The following MGA variants were observed in gnomAD, a reference collection of about 807,000 sequenced individuals.
The protein encoded by MGA is MAX gene-associated protein.
A neutral mutation model predicts 261.1 loss-of-function variants in MGA; 40 were observed. The observed-to-expected ratio is 0.15, with a 90% confidence interval of 0.12 to 0.20. MGA has a LOEUF of 0.20. MGA is among the 10% of genes least tolerant of loss of function. The pLI is 1.00. For missense variants in MGA, 3,397 were observed against 3,630.5 expected (o/e 0.94, Z 1.65); for synonymous variants, 1,302 against 1,290.6 (o/e 1.01, Z -0.19).
intron 5 of MGA, among the ~76,000 whole-genome samples, chr15:41,699,757 C>T (rs2059739502): frequency 6.6e-6 from 1 of 152,140 alleles, no homozygotes; most frequent in Non-Finnish European, 1.5e-5. Context: ...GCCTCGGCCT[C>T]CCAATTATGT....
Position 41,763,667 on chromosome 15 carries a change from C to T in MGA, c.7745-1219C>T, listed in dbSNP as rs546839802. On this transcript the variant is annotated intron_variant, in intron 22 of 23. Transcript: ENST00000219905. The stretch of plus-strand genomic sequence containing the variant: ...CTGAGGCAGGAGAATCACTTTAACC[C>T]GGAAGGTGGAAGTTGTGGTGAGCTG... 6.6e-5 allele frequency among the ~76,000 whole-genome samples: 10 copies of T among 151,956 alleles called. No individual in the cohort carries two copies. The South Asian group carries it at 8.3e-4, about 13-fold the overall frequency.
chr15:41,718,548 C>T (rs1301248787), intron 9 of MGA: 2 of 457,850 alleles, frequency 4.4e-6, no homozygotes, highest in East Asian at 3.2e-5. Flanking sequence ...AGAGATCTCA[C>T]CTTCCTGGTG....
chr15:41,626,910 C>G (rs2056469097), intron 1 of MGA, among the ~76,000 whole-genome samples: 1 of 152,012 alleles, frequency 6.6e-6, no homozygotes, highest in East Asian at 1.9e-4. Flanking sequence ...GTCACCCAGG[C>G]TGGAGCGCAA....
At chr15:41,635,498 C>T (rs1341608862) in intron 1 of MGA, among the ~76,000 whole-genome samples, 1 of 151,614 alleles carries the variant, frequency 6.6e-6, no homozygotes, top group Non-Finnish European at 1.5e-5. Context: ...TGAGACCAGC[C>T]CAGGCAACAT....
In MGA at chr15:41,766,391, C is replaced by A; in HGVS notation, c.8309C>A (p.Ser2770Ter). Residue 2770 changes from serine (S) to a stop codon, truncating the protein, a stop_gained, in exon 24 of 24, where the codon TCA becomes TAA. Coordinates refer to ENST00000219905, the MANE Select transcript of MGA (RefSeq NM_001164273.2). LOFTEE classifies it high-confidence loss of function. ...GAATCAAGAGGGGAGAGAGTGAAGT[C>A]AAAGGATTCTTCATTTCATAAATTA... The A allele has an allele frequency of 6.2e-7, 1 of 1,613,706 alleles. No individual in the cohort carries two copies. The highest frequency in any genetic ancestry group is 1.1e-5 in the South Asian group (1 of 91,022).
intron 1 of MGA, among the ~76,000 whole-genome samples, chr15:41,654,146 T>G (rs2057120909): frequency 1.3e-5 from 2 of 152,208 alleles, no homozygotes; most frequent in Admixed American, 1.3e-4. Context: ...TTATACTCCA[T>G]CACAGTCCTG....
intron 1 of MGA, among the ~76,000 whole-genome samples, chr15:41,663,413 A>G (rs2057532419): frequency 2.0e-5 from 3 of 152,086 alleles, no homozygotes; most frequent in African/African-American, 7.2e-5. Flanking sequence ...TTCCCAGAGT[A>G]TTTTTAGGAT....
Position 41,762,461 on chromosome 15 carries a change from GTTTTTTTTTTTTTTT to G in MGA, c.7744+115_7744+129del, listed in dbSNP as rs34069193. On this transcript the variant is annotated intron_variant, in intron 22 of 23. Coordinates refer to ENST00000219905, the MANE Select transcript of MGA (RefSeq NM_001164273.2). ...TTGTCCACATTTTTAGTTTTGTGTG[GTTTTTTTTTTTTTTT>G]TTTTTTTTTTTTTTTGGAGACAGCT... 259 of 138,432 alleles carry G rather than the reference GTTTTTTTTTTTTTTT, an allele frequency of 1.9e-3. 1 individual carries two copies. The highest frequency in any genetic ancestry group is 5.8e-3 in the East Asian group (16 of 2,752). The allele number at this position is 138,432 out of a possible 1,614,324, so 8.6% of individuals were successfully genotyped here. A position where few individuals can be genotyped will look rare whatever the true frequency, so the allele number is the denominator to read the frequency against.
chr15:41,755,070 T>A (rs552228928), intron 18 of MGA, among the ~76,000 whole-genome samples: 15 of 152,296 alleles, frequency 9.8e-5, no homozygotes, highest in African/African-American at 3.6e-4. Flanking sequence ...GTAGGAAAAT[T>A]TTTCTTCCTG....
chr15:41,756,372 C>T (rs2063149368), intron 18 of MGA, among the ~76,000 whole-genome samples: 1 of 152,154 alleles, frequency 6.6e-6, no homozygotes, highest in Non-Finnish European at 1.5e-5. Context: ...GTGACTTTAC[C>T]AATTCACACC....
intron 1 of MGA, among the ~76,000 whole-genome samples, chr15:41,639,643 C>G (rs981489507): frequency 6.6e-6 from 1 of 152,006 alleles, no homozygotes; most frequent in African/African-American, 2.4e-5. Flanking sequence ...CTCCTAGGTT[C>G]ACACCATTCC....
intron 1 of MGA, among the ~76,000 whole-genome samples, chr15:41,623,509 C>T (rs1463227740): frequency 1.3e-5 from 2 of 151,976 alleles, no homozygotes; most frequent in South Asian, 4.1e-4. Context: ...CTTTGGGAGG[C>T]GGAGGCGGGT....
chr15:41,740,607 C>T (rs909040203), intron 14 of MGA, among the ~76,000 whole-genome samples: 4 of 152,032 alleles, frequency 2.6e-5, no homozygotes, highest in Non-Finnish European at 5.9e-5. Flanking sequence ...AAATATTTTA[C>T]TAAATTAAAA....
chr15:41,701,105 G>C (rs1172175299), intron 5 of MGA, among the ~76,000 whole-genome samples: 1 of 152,124 alleles, frequency 6.6e-6, no homozygotes, highest in Non-Finnish European at 1.5e-5. Context: ...GATAACGTTT[G>C]CTGCTGTTTA....
chr15:41,767,271 A>T lies in MGA; in HGVS notation c.9189A>T (p.Ala3063=), dbSNP rs773428247. 1 of 1,609,346 alleles carries T rather than the reference A, an allele frequency of 6.2e-7. No homozygotes were observed. The highest frequency in any genetic ancestry group is 1.7e-5 in the Admixed American group (1 of 59,862). Residue 3063 remains alanine, a synonymous_variant, in exon 24 of 24, where the codon GCA becomes GCT. Coordinates refer to ENST00000219905, the MANE Select transcript of MGA (RefSeq NM_001164273.2). The stretch of plus-strand genomic sequence containing the variant: ...ACTCGGGGGCCTCACCAAGTTCTGC[A>T]GGGAAATGAACTTACTTGTCCTTAA...
At chr15:41,673,541 T>TTTC (rs2058197275) in intron 2 of MGA, among the ~76,000 whole-genome samples, 1 of 68,234 alleles carries the variant, frequency 1.5e-5, no homozygotes, top group South Asian at 5.3e-4. Flanking sequence ...TCTTTCTTTC[T>TTTC]TTTTTTTTTT....
intron 9 of MGA, among the ~76,000 whole-genome samples, chr15:41,716,507 T>TA (rs1201306625): frequency 6.6e-6 from 1 of 151,842 alleles, no homozygotes; most frequent in Non-Finnish European, 1.5e-5. Context: ...AACTGATATG[T>TA]AAAAGGAGTA....
At chr15:41,655,457 G>A (rs1021844431), upstream of MGA, among the ~76,000 whole-genome samples, 1 of 152,080 alleles carries the variant, frequency 6.6e-6, no homozygotes, top group Non-Finnish European at 1.5e-5. Flanking sequence ...ACAGGCGTGA[G>A]CCACCGTGTC....
At chr15:41,627,230 A>C (rs1037886531) in intron 1 of MGA, among the ~76,000 whole-genome samples, 3 of 152,166 alleles carry the variant, frequency 2.0e-5, no homozygotes, top group Non-Finnish European at 4.4e-5. Flanking sequence ...CAATAATGAT[A>C]CATTATTATT....
Sources: gnomAD v4.1 joint callset for allele counts (sites outside exome capture counted in the v4.1 genomes callset) on GRCh38, gnomAD v4.1.1 for gene constraint, MANE v1.5 for transcripts, NCBI Gene and HGNC (gene_info 2026-07-23, HGNC 2026-07-21) for gene names.